The following CALN1 variants were observed in gnomAD, a reference collection of about 807,000 sequenced individuals.
CALN1 encodes calcium-binding protein 8.
Under a neutral mutation model 30.6 loss-of-function variants are expected in CALN1, and 17 were observed. The observed-to-expected ratio is 0.56, with a 90% CI of 0.38 to 0.83. CALN1 has a LOEUF of 0.83. Ranked by LOEUF, CALN1 falls within the 40% of genes least tolerant of loss-of-function variation. The pLI, the probability that CALN1 is intolerant of heterozygous loss-of-function variation, is 0.00. For missense variants in CALN1, 291 were observed against 354.9 expected (o/e 0.82, Z 1.45); for synonymous variants, 156 against 131.4 (o/e 1.19, Z -1.28).
chr7:72,097,924 G>A (rs1269338176), intron 4 of CALN1, among the ~76,000 whole-genome samples: 1 of 152,098 alleles, frequency 6.6e-6, no homozygotes, highest in East Asian at 1.9e-4. Context: ...ATATTGGCCA[G>A]GCCGGTCTCA....
At chr7:72,269,189 T>C (rs1796801115) in intron 3 of CALN1, among the ~76,000 whole-genome samples, 1 of 152,202 alleles carries the variant, frequency 6.6e-6, no homozygotes, top group African/African-American at 2.4e-5. Context: ...GCCTATGTTA[T>C]CCAGATGCAA....
At chr7:71,873,346 G>A (rs1792058681) in intron 5 of CALN1, among the ~76,000 whole-genome samples, 1 of 152,016 alleles carries the variant, frequency 6.6e-6, no homozygotes, top group Admixed American at 6.6e-5. Context: ...GGTCTGTTCA[G>A]AGAGACTGGT....
intron 4 of CALN1, among the ~76,000 whole-genome samples, chr7:72,048,023 T>C (rs554467966): frequency 1.8e-3 from 266 of 151,036 alleles, no homozygotes; most frequent in African/African-American, 5.8e-3. Context: ...TTCATTCATA[T>C]TGCTTCTTCT....
chr7:72,032,815 G>A (rs998736865), intron 4 of CALN1, among the ~76,000 whole-genome samples: 6 of 152,094 alleles, frequency 3.9e-5, no homozygotes, highest in Admixed American at 2.6e-4. Context: ...CCCTGCACAC[G>A]TCTGAAGTCT....
chr7:72,229,788 G>A (rs981897495), intron 3 of CALN1, among the ~76,000 whole-genome samples: 1 of 151,902 alleles, frequency 6.6e-6, no homozygotes, highest in African/African-American at 2.4e-5. Context: ...GTCGGAGGGT[G>A]GGGAGCAAGG....
At chr7:72,159,303 G>A (rs1787938127) in intron 3 of CALN1, among the ~76,000 whole-genome samples, 2 of 152,248 alleles carry the variant, frequency 1.3e-5, no homozygotes, top group Admixed American at 1.3e-4. Context: ...TAAAGAACTA[G>A]AGCCTGGGCA....
intron 1 of CALN1, among the ~76,000 whole-genome samples, chr7:72,433,758 G>A (rs1808053156): frequency 6.6e-6 from 1 of 152,142 alleles, no homozygotes; most frequent in African/African-American, 2.4e-5. Flanking sequence ...GGTCTTATGG[G>A]CTCTGATTCA....
At chr7:71,889,913 C>T (rs112566008) in intron 5 of CALN1, among the ~76,000 whole-genome samples, 100 of 150,524 alleles carry the variant, frequency 6.6e-4, no homozygotes, top group African/African-American at 2.2e-3. Context: ...TGCAGTGTGC[C>T]GAGATTGCAC....
At chr7:72,131,816 A>T (rs544178818) in intron 3 of CALN1, among the ~76,000 whole-genome samples, 1 of 152,162 alleles carries the variant, frequency 6.6e-6, no homozygotes, top group South Asian at 2.1e-4. Flanking sequence ...GTTGCCTGGA[A>T]CCACTCTCTT....
chr7:72,004,816 A>G (rs906672518), intron 5 of CALN1, among the ~76,000 whole-genome samples: 1 of 152,234 alleles, frequency 6.6e-6, no homozygotes, highest in African/African-American at 2.4e-5. Context: ...AACAAAACAC[A>G]AAAACAACTA....
chr7:71,946,516 C>G (rs112698989), intron 5 of CALN1, among the ~76,000 whole-genome samples: 1 of 151,812 alleles, frequency 6.6e-6, no homozygotes, highest in African/African-American at 2.4e-5. Context: ...TACAGGTGCA[C>G]GCCAACAGAC....
intron 2 of CALN1, among the ~76,000 whole-genome samples, chr7:72,338,281 T>A (rs943669139): frequency 3.9e-5 from 6 of 152,138 alleles, no homozygotes; most frequent in African/African-American, 9.7e-5. Context: ...TGGCAAAGAC[T>A]GCTCACCAGC....
At chr7:72,343,702 G>A (rs374753395) in intron 2 of CALN1, among the ~76,000 whole-genome samples, 6 of 152,180 alleles carry the variant, frequency 3.9e-5, no homozygotes, top group African/African-American at 1.4e-4. Context: ...AATTGAAGAA[G>A]AAGCTATTCC....
chr7:71,835,868 A>G (rs555885035), intron 5 of CALN1, among the ~76,000 whole-genome samples: 132 of 152,332 alleles, frequency 8.7e-4, no homozygotes, highest in African/African-American at 3.0e-3. Context: ...GTGAATCATT[A>G]TATGTGGGGA....
intron 1 of CALN1, among the ~76,000 whole-genome samples, chr7:72,439,722 G>A (rs953981729): frequency 4.6e-5 from 7 of 151,836 alleles, no homozygotes; most frequent in East Asian, 1.9e-4. Context: ...GATGACAAGC[G>A]CCCGCCACAA....
the CALN1 span, among the ~76,000 whole-genome samples, chr7:72,479,760 A>G: frequency 6.6e-6 from 1 of 152,150 alleles, no homozygotes; most frequent in African/African-American, 2.4e-5. Flanking sequence ...CATGTTGGCC[A>G]GGCTGGTCTG....
At chr7:72,113,586 G>A (rs1180187522) in intron 3 of CALN1, among the ~76,000 whole-genome samples, 2 of 152,346 alleles carry the variant, frequency 1.3e-5, no homozygotes, top group Middle Eastern at 3.4e-3. Flanking sequence ...GGCAAAGGAT[G>A]GCCTGTAGCC....
chr7:71,824,509 C>T (rs970852728), intron 5 of CALN1, among the ~76,000 whole-genome samples: 3 of 152,120 alleles, frequency 2.0e-5, no homozygotes, highest in African/African-American at 7.2e-5. Flanking sequence ...GCCCAGAGCT[C>T]GCTGCTGGCT....
intron 1 of CALN1, among the ~76,000 whole-genome samples, chr7:72,443,325 G>A (rs2129564488): frequency 6.6e-6 from 1 of 152,332 alleles, no homozygotes; most frequent in South Asian, 2.1e-4. Context: ...TCAATGCTCA[G>A]TGCGTATTTG....
Sources: gnomAD v4.1 joint callset for allele counts (sites outside exome capture counted in the v4.1 genomes callset) on GRCh38, gnomAD v4.1.1 for gene constraint, MANE v1.5 for transcripts, NCBI Gene and HGNC (gene_info 2026-07-23, HGNC 2026-07-21) for gene names.